Variants in ZNF883 observed in about 807,000 individuals in gnomAD.
The protein encoded by ZNF883 is zinc finger protein 883.
downstream of ZNF883, among the ~76,000 whole-genome samples, chr9:112,992,885 G>T (rs1159137795): frequency 6.6e-6 from 1 of 152,146 alleles, no homozygotes; most frequent in African/African-American, 2.4e-5. Context: ...TGGCTTCATT[G>T]TGAGGTTCTT....
chr9:112,995,529 C>T (rs1828343270), downstream of ZNF883, among the ~76,000 whole-genome samples: 1 of 150,612 alleles, frequency 6.6e-6, no homozygotes, highest in African/African-American at 2.4e-5. Context: ...TCTCTCTTTC[C>T]TACTTTCCTT....
intron 2 of ZNF883, among the ~76,000 whole-genome samples, chr9:113,006,321 C>CAT (rs1828476096): frequency 6.6e-6 from 1 of 152,082 alleles, no homozygotes; most frequent in Non-Finnish European, 1.5e-5. Flanking sequence ...CCAGAAAACT[C>CAT]ATGAGTAATC....
intron 2 of ZNF883, among the ~76,000 whole-genome samples, chr9:113,009,168 C>A (rs957309533): frequency 6.6e-5 from 10 of 151,940 alleles, no homozygotes; most frequent in African/African-American, 1.9e-4. Flanking sequence ...TATTCAAAAC[C>A]CTATGAAAAT....
upstream of ZNF883, among the ~76,000 whole-genome samples, chr9:113,001,487 T>C (rs1828423395): frequency 6.6e-6 from 1 of 152,056 alleles, no homozygotes; most frequent in South Asian, 2.1e-4. Context: ...GAAATGAAGT[T>C]GCTGTTGCTT....
chr9:112,991,637 CT>C (rs1206500809), intron 1 of ZNF883, among the ~76,000 whole-genome samples: 1 of 151,858 alleles, frequency 6.6e-6, no homozygotes, highest in Non-Finnish European at 1.5e-5. Flanking sequence ...CCTGAATATT[CT>C]TGTTAATTTT....
chr9:113,006,545 C>T (rs1174272887), intron 2 of ZNF883, among the ~76,000 whole-genome samples: 6 of 152,130 alleles, frequency 3.9e-5, no homozygotes, highest in Admixed American at 6.5e-5. Flanking sequence ...CTTGGCCTCC[C>T]GGGCTAAGCC....
At chr9:113,007,487 T>C (rs1828489919) in intron 2 of ZNF883, among the ~76,000 whole-genome samples, 1 of 152,186 alleles carries the variant, frequency 6.6e-6, no homozygotes, top group Non-Finnish European at 1.5e-5. Flanking sequence ...TTAAAAACCC[T>C]GTGGTTACTA....
At chr9:113,003,392 C>T (rs1400627866) in intron 2 of ZNF883, among the ~76,000 whole-genome samples, 1 of 152,110 alleles carries the variant, frequency 6.6e-6, no homozygotes, top group Non-Finnish European at 1.5e-5. Flanking sequence ...TTATAAATTA[C>T]CCAGTCTTGG....
At chr9:112,995,001 T>C (rs963098825), downstream of ZNF883, among the ~76,000 whole-genome samples, 4 of 152,244 alleles carry the variant, frequency 2.6e-5, no homozygotes, top group African/African-American at 9.6e-5. Context: ...AGGTTTATAG[T>C]AAATAGCCCA....
intron 1 of ZNF883, among the ~76,000 whole-genome samples, chr9:112,991,445 G>C (rs1029095568): frequency 6.6e-6 from 1 of 151,822 alleles, no homozygotes; most frequent in African/African-American, 2.4e-5. Flanking sequence ...TGTGGTCTGA[G>C]AGAGTGTGAT....
exon 1 of ZNF883, chr9:112,997,481 G>C (rs373357576): frequency 3.2e-5 from 51 of 1,614,042 alleles, no homozygotes; most frequent in Non-Finnish European, 4.2e-5. Context: ...CTTCTCTCCA[G>C]TATGAGTTCT....
chr9:112,998,410 G>T, upstream of ZNF883: 1 of 623,500 alleles, frequency 1.6e-6, no homozygotes, highest in Non-Finnish European at 2.4e-6. Flanking sequence ...TCATTCATGA[G>T]TTTCTTTTGA....
chr9:112,998,410 G>A (rs919521251), upstream of ZNF883: 7 of 623,388 alleles, frequency 1.1e-5, no homozygotes, highest in African/African-American at 1.3e-4. Context: ...TCATTCATGA[G>A]TTTCTTTTGA....
chr9:113,004,071 G>A (rs1436783634), intron 2 of ZNF883, among the ~76,000 whole-genome samples: 1 of 149,576 alleles, frequency 6.7e-6, no homozygotes, highest in East Asian at 1.9e-4. Flanking sequence ...GCCCTTTTAA[G>A]AAGACGGTCA....
At chr9:112,997,909 T>A in exon 1 of ZNF883, 2 of 1,613,938 alleles carry the variant, frequency 1.2e-6, no homozygotes, top group Non-Finnish European at 1.7e-6. Context: ...CAGTATGGAT[T>A]CTCTCATGAT....
intron 2 of ZNF883, among the ~76,000 whole-genome samples, chr9:113,008,773 A>G (rs1828502322): frequency 6.6e-6 from 1 of 152,040 alleles, no homozygotes; most frequent in Non-Finnish European, 1.5e-5. Flanking sequence ...GGAGTTGGCC[A>G]TAAATTAGAG....
intron 1 of ZNF883, among the ~76,000 whole-genome samples, chr9:112,991,827 T>C (rs559300284): frequency 2.0e-5 from 3 of 152,354 alleles, no homozygotes; most frequent in Non-Finnish European, 4.4e-5. Context: ...TCCTTTACCA[T>C]TATGTAATGC....
upstream of ZNF883, chr9:112,999,182 GAAAAT>G (rs948957328): frequency 2.0e-5 from 3 of 152,080 alleles, no homozygotes; most frequent in Non-Finnish European, 2.9e-5. Flanking sequence ...ATCAGTTACA[GAAAAT>G]AAAATAGTGC....
downstream of ZNF883, among the ~76,000 whole-genome samples, chr9:112,996,615 C>G (rs1828356840): frequency 2.0e-5 from 3 of 149,810 alleles, no homozygotes; most frequent in Non-Finnish European, 4.4e-5. Flanking sequence ...CACGGTGAAA[C>G]CCCGTCTCTA....
Sources: gnomAD v4.1 joint callset for allele counts (sites outside exome capture counted in the v4.1 genomes callset) on GRCh38, gnomAD v4.1.1 for gene constraint, MANE v1.5 for transcripts, NCBI Gene and HGNC (gene_info 2026-07-23, HGNC 2026-07-21) for gene names.